PRKN: variants seen among roughly 807,000 people sequenced by gnomAD.
PRKN encodes parkin RBR E3 ubiquitin protein ligase.
PRKN carries 56 observed loss-of-function variants against 59.5 expected under a neutral mutation model. That is an observed-to-expected ratio of 0.94 (90% CI 0.76 to 1.18). The LOEUF (loss-of-function observed/expected upper bound fraction) is 1.18. Ranked by LOEUF, PRKN falls within the 50% of genes most tolerant of loss-of-function variation. The pLI, the probability that PRKN is intolerant of heterozygous loss-of-function variation, is 0.00. For missense variants in PRKN, 657 were observed against 596.4 expected (o/e 1.10, Z -1.06); for synonymous variants, 250 against 222.1 (o/e 1.13, Z -1.12).
intron 6 of PRKN, among the ~76,000 whole-genome samples, chr6:161,786,468 G>A (rs1398922395): frequency 6.6e-6 from 1 of 151,596 alleles, no homozygotes; most frequent in Non-Finnish European, 1.5e-5. Context: ...AAAAATTTAG[G>A]ACTTGTATAT....
At chr6:161,945,424 A>G (rs1779742787) in intron 6 of PRKN, among the ~76,000 whole-genome samples, 1 of 152,098 alleles carries the variant, frequency 6.6e-6, no homozygotes, top group Non-Finnish European at 1.5e-5. Context: ...TCTTCCTTCC[A>G]TATATCTGTC....
intron 7 of PRKN, among the ~76,000 whole-genome samples, chr6:161,722,440 T>C (rs562087854): frequency 9.8e-5 from 15 of 152,354 alleles, no homozygotes; most frequent in African/African-American, 3.4e-4. Flanking sequence ...GCACCTGTTG[T>C]TGAACTCTGA....
intron 1 of PRKN, among the ~76,000 whole-genome samples, chr6:162,575,168 C>T (rs983078241): frequency 6.6e-6 from 1 of 152,182 alleles, no homozygotes; most frequent in Non-Finnish European, 1.5e-5. Context: ...CCCTCAAATT[C>T]CAGGCCATGC....
chr6:162,708,335 G>C (rs568442511), intron 1 of PRKN, among the ~76,000 whole-genome samples: 1 of 152,112 alleles, frequency 6.6e-6, no homozygotes, highest in Non-Finnish European at 1.5e-5. Context: ...GTGAATAAAC[G>C]GAGATGAGTA....
intron 6 of PRKN, among the ~76,000 whole-genome samples, chr6:161,957,823 G>C (rs1166509540): frequency 6.6e-6 from 1 of 152,148 alleles, no homozygotes; most frequent in African/African-American, 2.4e-5. Flanking sequence ...AAAGCAGAGG[G>C]CTTGCGCTCA....
chr6:162,643,977 C>G (rs1246301440), intron 1 of PRKN: 2 of 152,126 alleles, frequency 1.3e-5, no homozygotes, highest in Non-Finnish European at 2.9e-5. Context: ...TACATTTAAT[C>G]TTTCTTAGAT....
intron 9 of PRKN, among the ~76,000 whole-genome samples, chr6:161,486,718 C>T (rs1008552971): frequency 6.6e-6 from 1 of 152,134 alleles, no homozygotes; most frequent in African/African-American, 2.4e-5. Context: ...CTGTTAATTG[C>T]CCTTTCATAA....
intron 7 of PRKN, among the ~76,000 whole-genome samples, chr6:161,715,790 T>C (rs1391951520): frequency 2.0e-5 from 3 of 152,122 alleles, no homozygotes; most frequent in Non-Finnish European, 2.9e-5. Flanking sequence ...CCCCAGTCAC[T>C]GGGGGGAATG....
At chr6:161,635,579 G>A (rs1454529647) in intron 7 of PRKN, among the ~76,000 whole-genome samples, 1 of 152,202 alleles carries the variant, frequency 6.6e-6, no homozygotes, top group Non-Finnish European at 1.5e-5. Flanking sequence ...AACTCTATCT[G>A]AGCATCATCA....
chr6:162,530,142 A>T (rs1335129770), intron 1 of PRKN, among the ~76,000 whole-genome samples: 1 of 151,788 alleles, frequency 6.6e-6, no homozygotes, highest in Non-Finnish European at 1.5e-5. Context: ...CTCAATAAAA[A>T]AAAAAAAAAA....
chr6:161,477,508 C>A (rs952877238), intron 9 of PRKN, among the ~76,000 whole-genome samples: 1 of 38,544 alleles, frequency 2.6e-5, no homozygotes, highest in Non-Finnish European at 7.2e-5. Flanking sequence ...GAAACTCCAT[C>A]TCAAAAAAAA....
At chr6:162,225,113 C>T (rs934346815) in intron 3 of PRKN, among the ~76,000 whole-genome samples, 1 of 152,156 alleles carries the variant, frequency 6.6e-6, no homozygotes, top group African/African-American at 2.4e-5. Flanking sequence ...ACATGGTAGA[C>T]AGCAACACGT....
intron 2 of PRKN, among the ~76,000 whole-genome samples, chr6:162,431,341 A>G (rs1229511542): frequency 6.6e-6 from 1 of 152,198 alleles, no homozygotes. Context: ...GGAGGGGCCA[A>G]TGTGATACGC....
intron 1 of PRKN, among the ~76,000 whole-genome samples, chr6:162,555,636 A>AG (rs1779531221): frequency 3.6e-5 from 1 of 28,050 alleles, no homozygotes; most frequent in Non-Finnish European, 1.5e-4. Context: ...AAAAAAATAC[A>AG]AAAAAAAAAT....
rs1041157853 is a variant in PRKN at position 162,517,547 on chromosome 6, C to T, written c.8-74074G>A. Among the ~76,000 whole-genome samples the T allele has an allele frequency of 3.9e-5, 6 of 152,036 alleles. 1 individual carries two copies. The South Asian group carries it at 6.2e-4, about 16-fold the overall frequency. On this transcript the variant is annotated intron_variant, in intron 1 of 11. Coordinates refer to ENST00000366898, the MANE Select transcript of PRKN (RefSeq NM_004562.3). ...CTGGGATTACAGGCGTGAGCGACTG[C>T]GCCCGGCCAATATATTTTTTTAATT...
chr6:161,716,024 T>C (rs1051859757), intron 7 of PRKN: 34 of 1,016,010 alleles, frequency 3.3e-5, no homozygotes, highest in Non-Finnish European at 3.9e-5. Context: ...TTCTGGGGAA[T>C]TGGATCTGGT....
intron 4 of PRKN, among the ~76,000 whole-genome samples, chr6:162,096,108 A>AT (rs1432395396): frequency 6.6e-6 from 1 of 151,116 alleles, no homozygotes; most frequent in Admixed American, 6.6e-5. Flanking sequence ...GCTGCCAACT[A>AT]TAACGACAGA....
chr6:162,133,163 T>C (rs1781438794), intron 4 of PRKN, among the ~76,000 whole-genome samples: 1 of 152,178 alleles, frequency 6.6e-6, no homozygotes, highest in East Asian at 1.9e-4. Flanking sequence ...GCTGAGAACA[T>C]TCTAGACATT....
At chr6:162,425,864 G>C (rs951618899) in intron 2 of PRKN, among the ~76,000 whole-genome samples, 2 of 152,210 alleles carry the variant, frequency 1.3e-5, no homozygotes, top group African/African-American at 4.8e-5. Flanking sequence ...CGATACGAAT[G>C]TTCTCATACA....
Sources: gnomAD v4.1 joint callset for allele counts (sites outside exome capture counted in the v4.1 genomes callset) on GRCh38, gnomAD v4.1.1 for gene constraint, MANE v1.5 for transcripts, NCBI Gene and HGNC (gene_info 2026-07-23, HGNC 2026-07-21) for gene names.